Variants in ELAPOR2 observed in about 807,000 individuals in gnomAD.
ELAPOR2 encodes endosome/lysosome-associated apoptosis and autophagy regulator family member 2.
A neutral mutation model predicts 120.7 loss-of-function variants in ELAPOR2; 89 were observed. The ratio of observed to expected loss-of-function variants is 0.74; its 90% CI spans 0.62 to 0.88. The LOEUF is 0.88. Among genes scored for constraint, ELAPOR2 ranks in the 40% least tolerant of loss-of-function variants. The pLI, the probability that ELAPOR2 is intolerant of heterozygous loss-of-function variation, is 0.00. For missense variants in ELAPOR2, 1,134 were observed against 1,251.6 expected (o/e 0.91, Z 1.42); for synonymous variants, 444 against 444.9 (o/e 1.00, Z 0.03).
At chr7:87,058,323 T>C (rs1179176643) in intron 1 of ELAPOR2, among the ~76,000 whole-genome samples, 1 of 152,254 alleles carries the variant, frequency 6.6e-6, no homozygotes, top group Non-Finnish European at 1.5e-5. Flanking sequence ...CTATTTTTGC[T>C]ACATTAATTA....
rs1178724722 is a variant in ELAPOR2, at chr7:86,942,040, T to C, written c.719A>G (p.Asn240Ser). Residue 240 changes from asparagine (N) to serine (S), a missense_variant, in exon 5 of 22, where the codon AAT becomes AGT. Coordinates refer to ENST00000450689, the MANE Select transcript of ELAPOR2 (RefSeq NM_001142749.3). ...TTDKWVKLTD[N>S]GEWGSHSVML... ...TACAGAATGAGAGCCCCATTCTCCA[T>C]TGTCTGTAAGTTTTACCCACTTGTC... 3.2e-6 allele frequency: 5 copies of C among 1,547,820 alleles called. 1 individual carries two copies. In the South Asian group the frequency reaches 3.6e-5, roughly 11 times the overall value.
intron 1 of ELAPOR2, among the ~76,000 whole-genome samples, chr7:87,056,340 A>C (rs948172200): frequency 4.6e-5 from 7 of 152,216 alleles, no homozygotes; most frequent in African/African-American, 1.7e-4. Flanking sequence ...CAGGCCAAGA[A>C]ACCCAAAGAA....
chr7:87,059,307 G>C lies in ELAPOR2; in HGVS notation c.189+18C>G. 8.0e-7 allele frequency: 1 copy of C among 1,248,168 alleles called. No individual in the cohort carries two copies. Among genetic ancestry groups the C allele is most frequent in the Admixed American group, 4.2e-5 (1 of 23,690 alleles). The allele number at this position is 1,248,168 out of a possible 1,614,324, so 77.3% of individuals were successfully genotyped here. On this transcript the variant is annotated intron_variant, in intron 1 of 21. Coordinates refer to ENST00000450689, the MANE Select transcript of ELAPOR2 (RefSeq NM_001142749.3). The stretch of plus-strand genomic sequence containing the variant: ...CCTCCCCCAGCAAACTCCAGGTAGA[G>C]GACCAGGTGCTGCTCACCTCCTGGC...
intron 1 of ELAPOR2, among the ~76,000 whole-genome samples, chr7:87,006,906 T>C (rs1793500179): frequency 6.6e-6 from 1 of 152,168 alleles, no homozygotes; most frequent in South Asian, 2.1e-4. Flanking sequence ...CATAACAATG[T>C]GGATGAATCT....
At chr7:86,989,069 T>A (rs1032639613) in intron 1 of ELAPOR2, among the ~76,000 whole-genome samples, 25 of 152,186 alleles carry the variant, frequency 1.6e-4, no homozygotes, top group Non-Finnish European at 3.4e-4. Context: ...AGATCCTTCA[T>A]AAATAATAAA....
At chr7:86,944,305 T>C (rs1345307599) in intron 4 of ELAPOR2, among the ~76,000 whole-genome samples, 2 of 152,094 alleles carry the variant, frequency 1.3e-5, no homozygotes, top group Non-Finnish European at 2.9e-5. Flanking sequence ...AGATGATTAC[T>C]TTATCTTATC....
At chr7:87,057,799 C>T (rs1400394273) in intron 1 of ELAPOR2, among the ~76,000 whole-genome samples, 1 of 152,214 alleles carries the variant, frequency 6.6e-6, no homozygotes, top group African/African-American at 2.4e-5. Context: ...TCGCCTACTT[C>T]AAGCAGATTT....
At chr7:86,916,955 A>ATTTTTTTT (rs58682563) in intron 12 of ELAPOR2, among the ~76,000 whole-genome samples, 1 of 86,700 alleles carries the variant, frequency 1.2e-5, no homozygotes, top group Non-Finnish European at 2.1e-5. Context: ...TGGCCAGCTA[A>ATTTTTTTT]TTTTTTTTTT....
chr7:86,899,694 T>A (rs912999610), intron 18 of ELAPOR2, among the ~76,000 whole-genome samples: 2 of 152,140 alleles, frequency 1.3e-5, no homozygotes, highest in African/African-American at 4.8e-5. Context: ...TTCCAAAGTG[T>A]CTGTAGACTA....
At chr7:86,932,525 C>G (rs1790372273) in intron 8 of ELAPOR2, among the ~76,000 whole-genome samples, 1 of 151,860 alleles carries the variant, frequency 6.6e-6, no homozygotes, top group Non-Finnish European at 1.5e-5. Flanking sequence ...GGTTACTCTG[C>G]CTCAGTGTAA....
At chr7:86,945,635 G>A (rs1790967915) in intron 3 of ELAPOR2, among the ~76,000 whole-genome samples, 1 of 152,112 alleles carries the variant, frequency 6.6e-6, no homozygotes, top group Non-Finnish European at 1.5e-5. Flanking sequence ...TATGGCAATA[G>A]TATGAAGATA....
At position 86,918,542 on chromosome 7, in the gene ELAPOR2, G is replaced by T. The variant is rs757565696; in HGVS notation, c.1493C>A (p.Pro498Gln). ...ILNLHIPGFK[P>Q]PTSMTGATGS... ...CGTGGCTCCAGTCATAGATGTTGGT[G>T]GTCTATTTGACAGATTAAAATGGCA... Residue 498 changes from proline to glutamine, a missense_variant and splice_region_variant, in exon 12 of 22, where the codon CCA becomes CAA. By Grantham distance (76) the Pro-to-Gln change is moderately conservative. This residue lies in a region of ELAPOR2 where 831 missense variants were observed against 867.6 expected (regional missense o/e 0.96). Transcript: ENST00000450689. 2 of 1,592,360 alleles carry T rather than the reference G, an allele frequency of 1.3e-6. No homozygotes were observed. The highest frequency in any genetic ancestry group is 4.5e-5 in the East Asian group (2 of 44,710).
At chr7:86,939,050 G>GT in intron 6 of ELAPOR2, 90 bp from the exon 7 acceptor site, 2 of 1,406,868 alleles carry the variant, frequency 1.4e-6, no homozygotes, top group Non-Finnish European at 2.0e-6. Context: ...CAGAAGTGAG[G>GT]GAGATATATG....
chr7:87,017,328 T>C (rs1385015758), intron 1 of ELAPOR2, among the ~76,000 whole-genome samples: 2 of 152,230 alleles, frequency 1.3e-5, no homozygotes, highest in Admixed American at 6.5e-5. Context: ...GAAAACAGTC[T>C]AAATGATCAA....
chr7:87,041,061 G>C (rs1361141735), intron 1 of ELAPOR2, among the ~76,000 whole-genome samples: 1 of 151,988 alleles, frequency 6.6e-6, no homozygotes, highest in East Asian at 1.9e-4. Flanking sequence ...GAAGTTTAGA[G>C]AAAAAAGAAT....
chr7:86,922,830 A>C (rs1268070089), intron 10 of ELAPOR2, among the ~76,000 whole-genome samples: 1 of 151,844 alleles, frequency 6.6e-6, no homozygotes, highest in African/African-American at 2.4e-5. Context: ...ATATTTTTCT[A>C]AAAAGGAATA....
Position 86,965,788 on chromosome 7 carries a change from A to C in ELAPOR2, c.190-764T>G, listed in dbSNP as rs138951339. The C allele has an allele frequency of 7.9e-5, 78 of 983,268 alleles. No individual in the cohort carries two copies. The East Asian group carries it at 7.0e-3, about 89-fold the overall frequency. The allele number at this position is 983,268 out of a possible 1,614,324, so 60.9% of individuals were successfully genotyped here. A position where few individuals can be genotyped will look rare whatever the true frequency, so the allele number is the denominator to read the frequency against. ...ATGTGAGAAATTCCAAATCTACCCCAAATTGTTTTCAGTTCAATACCTTAC... is the reference window on the plus strand; with the variant it reads ...ATGTGAGAAATTCCAAATCTACCCCCAATTGTTTTCAGTTCAATACCTTAC... On this transcript the variant is annotated intron_variant, in intron 1 of 21. Transcript: ENST00000450689.
intron 1 of ELAPOR2, among the ~76,000 whole-genome samples, chr7:86,965,586 T>C (rs954128377): frequency 3.3e-5 from 5 of 152,192 alleles, no homozygotes; most frequent in Admixed American, 1.3e-4. Flanking sequence ...TTACGGACTA[T>C]TAAAATTGAC....
At chr7:86,939,292 T>C (rs1193002109) in intron 6 of ELAPOR2, among the ~76,000 whole-genome samples, 1 of 152,110 alleles carries the variant, frequency 6.6e-6, no homozygotes, top group African/African-American at 2.4e-5. Flanking sequence ...CTGATCCTTA[T>C]GGTAACCTGT....
Sources: allele counts gnomAD v4.1 joint callset (sites outside exome capture counted in the v4.1 genomes callset), GRCh38; gene constraint gnomAD v4.1.1; regional missense constraint gnomAD v4.1.1; transcripts MANE v1.5; gene names NCBI Gene and HGNC (gene_info 2026-07-23, HGNC 2026-07-21).